The following ZNF76 variants were observed in gnomAD, a reference collection of about 807,000 sequenced individuals.
ZNF76 encodes zinc finger protein 76.
A neutral mutation model predicts 66.9 loss-of-function variants in ZNF76; 66 were observed. That is an observed-to-expected ratio of 0.99 (90% confidence interval 0.81 to 1.21). ZNF76 has a LOEUF of 1.21. Ranked by LOEUF, ZNF76 falls within the 50% of genes most tolerant of loss-of-function variation. ZNF76 has a pLI of 0.00. For missense variants in ZNF76, 729 were observed against 760.3 expected, an observed-to-expected ratio of 0.96 and a Z score of 0.48; for synonymous variants, 275 against 296.1, an observed-to-expected ratio of 0.93 and a Z score of 0.73.
chr6:35,283,429 C>T (rs996453335), intron 2 of ZNF76, among the ~76,000 whole-genome samples: 5 of 152,216 alleles, frequency 3.3e-5, no homozygotes, highest in African/African-American at 1.2e-4. Flanking sequence ...TTGTAAGAGA[C>T]TTATCTTTAA....
chr6:35,271,795 T>G (rs1360975516), intron 1 of ZNF76, among the ~76,000 whole-genome samples: 2 of 152,074 alleles, frequency 1.3e-5, no homozygotes, highest in Non-Finnish European at 2.9e-5. Context: ...CACATCCCAG[T>G]TTGAAGAATA....
At chr6:35,267,170 T>C (rs1383092988) in intron 1 of ZNF76, among the ~76,000 whole-genome samples, 1 of 152,048 alleles carries the variant, frequency 6.6e-6, no homozygotes, top group African/African-American at 2.4e-5. Flanking sequence ...TCATGGAGGC[T>C]CACTGCAGCA....
chr6:35,277,618 A>G (rs1274568580), intron 1 of ZNF76, among the ~76,000 whole-genome samples: 1 of 152,258 alleles, frequency 6.6e-6, no homozygotes, highest in Non-Finnish European at 1.5e-5. Context: ...TTAAATGAGG[A>G]TAATCATAGC....
At position 35,292,531 on chromosome 6, in the gene ZNF76, C is replaced by A. The variant is rs772236594; in HGVS notation, c.932-23C>A. 1 of 1,612,062 alleles carries A rather than the reference C, an allele frequency of 6.2e-7. No homozygotes were observed. The highest frequency in any genetic ancestry group is 1.1e-5 in the South Asian group (1 of 91,016). On this transcript the variant is annotated intron_variant, in intron 9 of 13. Coordinates refer to ENST00000373953, the MANE Select transcript of ZNF76 (RefSeq NM_003427.5). This position sits in a 1 kb window ranked among gnomAD's most constrained non-coding sequence, Gnocchi z 4.7. ...CCCTTGCCAGCCCCAGTTCCCACCCCCCTCACAGCCCAGTGTCCCCAGGGG... is the reference window on the plus strand; with the variant it reads ...CCCTTGCCAGCCCCAGTTCCCACCCACCTCACAGCCCAGTGTCCCCAGGGG...
At position 35,290,750 on chromosome 6, in the gene ZNF76, G is replaced by A. The variant is rs755066608; in HGVS notation, c.625+34G>A. 3 of 1,609,552 alleles carry A rather than the reference G, an allele frequency of 1.9e-6. No homozygotes were observed. In the South Asian group the frequency reaches 3.3e-5, roughly 18 times the overall value. On this transcript the variant is annotated intron_variant, in intron 7 of 13. Transcript: ENST00000373953. The stretch of plus-strand genomic sequence containing the variant: ...CCTGGTGGGCTGCTTCCAGTTGAGG[G>A]TGGAGGGTTCTCGTTCTGTTTGGGA...
At chr6:35,288,261 A>G (rs929433463) in intron 5 of ZNF76, 5 of 381,248 alleles carry the variant, frequency 1.3e-5, no homozygotes, top group Admixed American at 1.3e-4. Flanking sequence ...AATTGTATTT[A>G]TTTCTTCTCT....
rs750830888 is a variant in ZNF76 at position 35,292,588 on chromosome 6, CG to C, written c.969del (p.Lys324AsnfsTer81). On this transcript the variant is annotated frameshift_variant, in exon 10 of 14. Coordinates refer to ENST00000373953, the MANE Select transcript of ZNF76 (RefSeq NM_003427.5). LOFTEE classifies it high-confidence loss of function. The surrounding 1 kb of genome is among the most constrained non-coding windows in gnomAD (Gnocchi z 4.7). ...CATACGTTTGCACGGTGCCAGGCTG[CG>C]GGAAACGCTTCACCGAGTACTCGAG... The part of the protein sequence containing the change: ...KPYVCTVPGC[G>X]KRFTEYSSLY... 48 of 1,613,512 alleles carry C rather than the reference CG, an allele frequency of 3.0e-5. No individual in the cohort carries two copies. The African/African-American group carries it at 5.6e-4, about 19-fold the overall frequency.
At chr6:35,261,218 G>A (rs902944202) in intron 1 of ZNF76, among the ~76,000 whole-genome samples, 1 of 152,242 alleles carries the variant, frequency 6.6e-6, no homozygotes, top group Non-Finnish European at 1.5e-5. Context: ...GCTGTTGTTA[G>A]AAATGAGAAG....
Position 35,290,621 on chromosome 6 carries a change from G to T in ZNF76, c.550-20G>T. 6.2e-7 allele frequency: 1 copy of T among 1,613,946 alleles called. No individual in the cohort carries two copies. Among genetic ancestry groups the T allele is most frequent in the Non-Finnish European group, 8.5e-7 (1 of 1,179,804 alleles). ...TCATACCCTTGCTCCTCTGAATTAT[G>T]TGATTGCTTGTCCTCACAGGTGCAT... On this transcript the variant is annotated intron_variant, in intron 6 of 13. Transcript: ENST00000373953.
rs200299187 is a variant in ZNF76, at chr6:35,290,330, G to A, written c.497G>A (p.Arg166His). ...CAGCAAGTTGGAGACAGAGCATTCC[G>A]CTGTGGCTACAAGGGCTGTGGGCGT... The part of the protein sequence containing the change: ...KGQQVGDRAF[R>H]CGYKGCGRLY... Residue 166 changes from arginine (R) to histidine (H), a missense_variant, in exon 6 of 14, where the codon CGC becomes CAC. By Grantham distance (29) the Arg-to-His change is conservative (BLOSUM62 0). Transcript: ENST00000373953. The A allele has an allele frequency of 1.2e-4, 188 of 1,614,066 alleles. 1 individual carries two copies. Among genetic ancestry groups the A allele is most frequent in the South Asian group, 8.8e-5 (8 of 91,084 alleles).
rs57293389 is a variant in ZNF76, at chr6:35,289,623, G to A, written c.433-643G>A. ...GGCTGGTGTGAGATGGGTGGCTTTA[G>A]CAATATCCCAGAAGAGGAGACAAAA... On this transcript the variant is annotated intron_variant, in intron 5 of 13. Transcript: ENST00000373953. Among the ~76,000 whole-genome samples the A allele has an allele frequency of 9.6e-3, 1,460 of 152,214 alleles. 23 individuals are homozygous for A. The highest frequency in any genetic ancestry group is 0.027 in the African/African-American group (1,113 of 41,532).
chr6:35,266,359 G>T (rs1032362773), intron 1 of ZNF76, among the ~76,000 whole-genome samples: 3 of 151,910 alleles, frequency 2.0e-5, no homozygotes, highest in Non-Finnish European at 4.4e-5. Context: ...CACCATATTT[G>T]CCAGGCTGGT....
intron 1 of ZNF76, among the ~76,000 whole-genome samples, chr6:35,264,009 C>A (rs1455424555): frequency 6.6e-6 from 1 of 152,206 alleles, no homozygotes; most frequent in Non-Finnish European, 1.5e-5. Flanking sequence ...CCTCAGCCTC[C>A]CAAAGTGCTA....
Position 35,287,675 on chromosome 6 carries a change from G to A in ZNF76, c.262G>A (p.Val88Ile), listed in dbSNP as rs773965220. ...CTATGACCCCAGCACCCTGGAAGCC[G>A]TCCAACTGGAAGATGGCTCCACTGC... Reference protein sequence around the residue: ...EGYDPSTLEAVQLEDGSTAYI... With the variant: ...EGYDPSTLEAIQLEDGSTAYI... The change falls in exon 5 of 14, where the codon GTC becomes ATC. Residue 88 changes from valine (V) to isoleucine (I), a missense_variant. By Grantham distance (29) the Val-to-Ile change is conservative (BLOSUM62 3). Coordinates refer to ENST00000373953, the MANE Select transcript of ZNF76 (RefSeq NM_003427.5). The surrounding 1 kb of genome is among the most constrained non-coding windows in gnomAD (Gnocchi z 4.0). The A allele has an allele frequency of 6.8e-6, 11 of 1,613,726 alleles. No individual in the cohort carries two copies. The highest frequency in any genetic ancestry group is 6.6e-5 in the South Asian group (6 of 91,056).
chr6:35,295,122 T>C (rs1312046388), intron 13 of ZNF76, 22 bp from the exon 14 acceptor site: 1 of 1,596,044 alleles, frequency 6.3e-7, no homozygotes, highest in Non-Finnish European at 8.6e-7. Flanking sequence ...GTCTCCTTCC[T>C]TCTGCACCCC....
At chr6:35,267,823 A>T (rs971920380) in intron 1 of ZNF76, among the ~76,000 whole-genome samples, 1 of 152,216 alleles carries the variant, frequency 6.6e-6, no homozygotes, top group African/African-American at 2.4e-5. Flanking sequence ...GGTAATCCCG[A>T]TGAGGGAAAA....
At chr6:35,282,041 T>C (rs1788844829) in intron 2 of ZNF76, among the ~76,000 whole-genome samples, 1 of 151,758 alleles carries the variant, frequency 6.6e-6, no homozygotes, top group South Asian at 2.1e-4. Flanking sequence ...ATTGAAAATA[T>C]AGGACATGTA....
chr6:35,267,344 G>C (rs1351293108), intron 1 of ZNF76, among the ~76,000 whole-genome samples: 1 of 152,100 alleles, frequency 6.6e-6, no homozygotes, highest in Non-Finnish European at 1.5e-5. Flanking sequence ...GCCTCCACCT[G>C]CCTCGGTCTC....
At chr6:35,277,984 C>T (rs774984218) in intron 1 of ZNF76, among the ~76,000 whole-genome samples, 25 of 152,044 alleles carry the variant, frequency 1.6e-4, no homozygotes, top group Non-Finnish European at 3.2e-4. Context: ...CTTAGCCTCC[C>T]GAGTAGCTGG....
Sources: gnomAD v4.1 joint callset for allele counts (sites outside exome capture counted in the v4.1 genomes callset) on GRCh38, gnomAD v4.1.1 for gene constraint, Gnocchi (gnomAD v3.1) non-coding constraint, MANE v1.5 for transcripts, NCBI Gene and HGNC (gene_info 2026-07-23, HGNC 2026-07-21) for gene names.